Variants in DNAJC12 observed in about 807,000 individuals in gnomAD.
DNAJC12 encodes the protein dnaJ homolog subfamily C member 12.
Under a neutral mutation model 28.5 loss-of-function variants are expected in DNAJC12, and 25 were observed. That is an observed-to-expected ratio of 0.88 (90% CI 0.64 to 1.22). DNAJC12 has a LOEUF of 1.22. Among genes scored for constraint, DNAJC12 ranks in the 50% most tolerant of loss-of-function variants. The pLI is 0.00. For missense variants in DNAJC12, 222 were observed against 231.7 expected (o/e 0.96, Z 0.27); for synonymous variants, 77 against 80.6 (o/e 0.95, Z 0.24).
intron 1 of DNAJC12, among the ~76,000 whole-genome samples, chr10:67,824,250 A>G (rs1252838687): frequency 6.6e-6 from 1 of 151,802 alleles, no homozygotes; most frequent in Non-Finnish European, 1.5e-5. Flanking sequence ...AAAAAAAAAA[A>G]AAAATATTTA....
intron 2 of DNAJC12, among the ~76,000 whole-genome samples, chr10:67,816,744 AC>A (rs1348837087): frequency 6.6e-6 from 1 of 152,080 alleles, no homozygotes; most frequent in Non-Finnish European, 1.5e-5. Flanking sequence ...ACGAGGTTTC[AC>A]CATGTTGGCT....
Position 67,796,965 on chromosome 10 carries a change from G to A in DNAJC12, c.*151C>T, listed in dbSNP as rs1469247830. 11 of 518,668 alleles carry A rather than the reference G, an allele frequency of 2.1e-5. No homozygotes were observed. Among genetic ancestry groups the A allele is most frequent in the Admixed American group, 7.6e-5 (2 of 26,384 alleles). The allele number at this position is 518,668 out of a possible 1,614,324, so 32.1% of individuals were successfully genotyped here. A position where few individuals can be genotyped will look rare whatever the true frequency, so the allele number is the denominator to read the frequency against. On this transcript the variant is annotated 3_prime_UTR_variant, in exon 5 of 5. Coordinates refer to ENST00000225171, the MANE Select transcript of DNAJC12 (RefSeq NM_021800.3). ...ATTTTTCTTATTTAAAAAGCATTAT[G>A]AGAACTGATTCAAGGATGGAGGAAT...
intron 2 of DNAJC12, among the ~76,000 whole-genome samples, chr10:67,814,282 G>A (rs565583503): frequency 6.6e-6 from 1 of 152,094 alleles, no homozygotes; most frequent in South Asian, 2.1e-4. Context: ...TTCAACAAAT[G>A]GTGCTAGGAT....
rs183255301 is a variant in DNAJC12, at chr10:67,806,730, C to T, written c.298-943G>A. 3.3e-3 allele frequency among the ~76,000 whole-genome samples: 501 copies of T among 151,202 alleles called. 4 individuals are homozygous for T. Among genetic ancestry groups the T allele is most frequent in the African/African-American group, 0.011 (472 of 41,184 alleles). On this transcript the variant is annotated intron_variant, in intron 3 of 4. Coordinates refer to ENST00000225171, the MANE Select transcript of DNAJC12 (RefSeq NM_021800.3). Reference sequence around the variant, plus strand: ...ATCCCAGCTACTCAGGAGGCTGAGGCGGGAGAATTGCTTGAACCCAGGAGG... The same window carrying T: ...ATCCCAGCTACTCAGGAGGCTGAGGTGGGAGAATTGCTTGAACCCAGGAGG...
At chr10:67,827,593 T>G (rs1842049651) in intron 1 of DNAJC12, 1 of 151,118 alleles carries the variant, frequency 6.6e-6, no homozygotes, top group Admixed American at 6.6e-5. Flanking sequence ...AGGCTGAGGC[T>G]GGAGAATGCT....
chr10:67,825,352 T>C (rs1371319513), intron 1 of DNAJC12: 3 of 152,248 alleles, frequency 2.0e-5, no homozygotes. Context: ...GTGCAGTGGC[T>C]AGCCACAGGC....
At chr10:67,805,917 A>G in intron 3 of DNAJC12, 130 bp from the exon 4 acceptor site, 1 of 610,162 alleles carries the variant, frequency 1.6e-6, no homozygotes, top group Non-Finnish European at 2.6e-6. Context: ...AGACTTGACT[A>G]TTAACAAGAT....
chr10:67,834,661 G>A (rs1842125783), intron 1 of DNAJC12, among the ~76,000 whole-genome samples: 1 of 152,108 alleles, frequency 6.6e-6, no homozygotes, highest in Non-Finnish European at 1.5e-5. Flanking sequence ...AAGCTCATCT[G>A]TACAAAAATA....
rs543301624 is a variant in DNAJC12 at position 67,827,355 on chromosome 10, C to G, written c.79-3963G>C. Among the ~76,000 whole-genome samples the G allele has an allele frequency of 5.5e-5, 8 of 146,566 alleles. No homozygotes were observed. The East Asian group carries it at 1.6e-3, about 30-fold the overall frequency. Reference sequence around the variant, plus strand: ...TGAGCCAAGATTTTGACACTGCACTCTAGCCTGGGTGGCAGAGCAGGGCTC... The same window carrying G: ...TGAGCCAAGATTTTGACACTGCACTGTAGCCTGGGTGGCAGAGCAGGGCTC... On this transcript the variant is annotated intron_variant, in intron 1 of 4. Transcript: ENST00000225171.
At position 67,820,271 on chromosome 10, in the gene DNAJC12, G is replaced by A. The variant is rs529716256; in HGVS notation, c.157+3043C>T. Among the ~76,000 whole-genome samples, 3 of 152,344 alleles carry A rather than the reference G, an allele frequency of 2.0e-5. No individual in the cohort carries two copies. In the East Asian group the frequency reaches 5.8e-4, roughly 29 times the overall value. Reference sequence around the variant, plus strand: ...GATGGAGAATTAAGGTACACAGCATGAAGGAATTTGTGCCTAAAGGCTCAA... The same window carrying A: ...GATGGAGAATTAAGGTACACAGCATAAAGGAATTTGTGCCTAAAGGCTCAA... On this transcript the variant is annotated intron_variant, in intron 2 of 4. Coordinates refer to ENST00000225171, the MANE Select transcript of DNAJC12 (RefSeq NM_021800.3).
intron 1 of DNAJC12, among the ~76,000 whole-genome samples, chr10:67,829,524 C>T (rs1033612651): frequency 2.0e-5 from 3 of 152,216 alleles, no homozygotes; most frequent in Non-Finnish European, 4.4e-5. Flanking sequence ...GCCTGTAGTT[C>T]CAGCTACTCC....
At chr10:67,799,781 G>T (rs895285549) in intron 4 of DNAJC12, among the ~76,000 whole-genome samples, 1 of 151,934 alleles carries the variant, frequency 6.6e-6, no homozygotes, top group Non-Finnish European at 1.5e-5. Context: ...TACTCAGGAG[G>T]CTGAGGCAGG....
At chr10:67,816,255 T>C in intron 2 of DNAJC12, 1 of 392,386 alleles carries the variant, frequency 2.5e-6, no homozygotes. Flanking sequence ...TGTCAAAATA[T>C]GCTTTGAAAA....
At chr10:67,799,915 G>C (rs184349245) in intron 4 of DNAJC12, among the ~76,000 whole-genome samples, 3 of 147,774 alleles carry the variant, frequency 2.0e-5, no homozygotes, top group African/African-American at 7.5e-5. Context: ...TAGGGTTCCC[G>C]TAGAAATAGA....
chr10:67,829,283 T>TA (rs1477994247), intron 1 of DNAJC12, among the ~76,000 whole-genome samples: 5 of 152,072 alleles, frequency 3.3e-5, no homozygotes, highest in Admixed American at 2.6e-4. Context: ...TAGAAACTCT[T>TA]AGTCTGTAGG....
chr10:67,813,762 GAA>G (rs201652025), intron 2 of DNAJC12, among the ~76,000 whole-genome samples: 6 of 94,980 alleles, frequency 6.3e-5, no homozygotes, highest in Admixed American at 2.1e-4. Flanking sequence ...TGTCTCAAAA[GAA>G]AAAAAAAAAA....
At chr10:67,804,270 G>A (rs1168666736) in intron 4 of DNAJC12, among the ~76,000 whole-genome samples, 1 of 152,194 alleles carries the variant, frequency 6.6e-6, no homozygotes, top group Non-Finnish European at 1.5e-5. Context: ...TTTACCTAGG[G>A]CTTCCTAGAG....
intron 3 of DNAJC12, among the ~76,000 whole-genome samples, chr10:67,806,705 A>T (rs540954543): frequency 2.0e-5 from 3 of 152,106 alleles, no homozygotes; most frequent in African/African-American, 7.2e-5. Context: ...CACACCTGTA[A>T]TCCCAGCTAC....
At chr10:67,816,770 C>A (rs1841921019) in intron 2 of DNAJC12, among the ~76,000 whole-genome samples, 1 of 152,178 alleles carries the variant, frequency 6.6e-6, no homozygotes, top group Admixed American at 6.5e-5. Context: ...TTGTCTCAAA[C>A]TCCTGACCTC....
Sources: allele counts gnomAD v4.1 joint callset (sites outside exome capture counted in the v4.1 genomes callset), GRCh38; gene constraint gnomAD v4.1.1; transcripts MANE v1.5; gene names NCBI Gene and HGNC (gene_info 2026-07-23, HGNC 2026-07-21).